Variants in PALM2AKAP2 observed in about 807,000 individuals in gnomAD.
PALM2AKAP2 encodes the protein PALM2 and AKAP2 fusion.
In PALM2AKAP2, 37 loss-of-function variants were observed where a neutral mutation model predicts 71.5. The ratio of observed to expected loss-of-function variants is 0.52; its 90% CI spans 0.40 to 0.68. The LOEUF (loss-of-function observed/expected upper bound fraction) is 0.68, where lower values mean the gene tolerates loss of function less well. Among genes scored for constraint, PALM2AKAP2 ranks in the 30% least tolerant of loss-of-function variants. The probability of loss-of-function intolerance (pLI) is 0.00; values close to 1 mark genes in which losing one functional copy is unlikely to be tolerated. For synonymous variants in PALM2AKAP2, 468 were observed against 478.8 expected (o/e 0.98, Z 0.29); for missense variants, 1,224 against 1,191.8 (o/e 1.03, Z -0.40).
At chr9:109,947,222 T>C (rs911422197) in intron 6 of PALM2AKAP2, among the ~76,000 whole-genome samples, 1 of 152,232 alleles carries the variant, frequency 6.6e-6, no homozygotes, top group African/African-American at 2.4e-5. Flanking sequence ...GACATGTATT[T>C]GCTTAAAACG....
chr9:110,066,793 A>G (rs1032025293), intron 1 of PALM2AKAP2, among the ~76,000 whole-genome samples: 1 of 151,848 alleles, frequency 6.6e-6, no homozygotes, highest in Non-Finnish European at 1.5e-5. Context: ...ATTGCCCACT[A>G]ACATTTTGGC....
rs185657135 is a variant in PALM2AKAP2, at chr9:110,156,434, G to C, written c.2685G>C (p.Gln895His). ...CCCAGCGGCCCAAGAATCTGATGCAGACCCTCATGGAAGACTATGAGACAC... is the reference window on the plus strand; with the variant it reads ...CCCAGCGGCCCAAGAATCTGATGCACACCCTCATGGAAGACTATGAGACAC... The change falls in exon 3 of 4, where the codon CAG becomes CAC. Residue 895 changes from glutamine to histidine, a missense_variant. Coordinates refer to ENST00000374525, the Ensembl canonical transcript of PALM2AKAP2. The C allele has an allele frequency of 2.8e-5, 45 of 1,612,974 alleles. No individual in the cohort carries two copies. Among genetic ancestry groups the C allele is most frequent in the Admixed American group, 5.0e-5 (3 of 59,850 alleles).
Position 109,975,058 on chromosome 9 carries a change from G to A in PALM2AKAP2, c.497-40896G>A, listed in dbSNP as rs559900479. The stretch of plus-strand genomic sequence containing the variant: ...AAGCCAAATATATATGTATCTGCAC[G>A]TGCACACACACACACACACACACAC... On this transcript the variant is annotated intron_variant, in intron 6 of 9. Coordinates refer to the PALM2AKAP2 transcript ENST00000302798. Among the ~76,000 whole-genome samples, 147 of 145,722 alleles carry A rather than the reference G, an allele frequency of 1.0e-3. 2 individuals are homozygous for A. Among genetic ancestry groups the A allele is most frequent in the African/African-American group, 3.1e-3 (122 of 39,628 alleles).
At chr9:109,883,092 G>A (rs1390090150) in intron 3 of PALM2AKAP2, among the ~76,000 whole-genome samples, 1 of 152,188 alleles carries the variant, frequency 6.6e-6, no homozygotes, top group Non-Finnish European at 1.5e-5. Flanking sequence ...TGCGTGTGGA[G>A]GCTAGAGTCT....
At chr9:110,066,774 A>G (rs1834089246) in intron 1 of PALM2AKAP2, among the ~76,000 whole-genome samples, 1 of 151,608 alleles carries the variant, frequency 6.6e-6, no homozygotes, top group African/African-American at 2.4e-5. Flanking sequence ...AATATAAAGG[A>G]GATAACATAT....
rs546275615 is a variant in PALM2AKAP2, at chr9:109,841,380, G to C, written c.46-26111G>C. ...GGGGCCTGTTGTGGGGTGGGGGTAG[G>C]GGGGAGGGATAGCATTAGGAGATAT... On this transcript the variant is annotated intron_variant, in intron 1 of 9. Transcript: ENST00000302798. 4.8e-4 allele frequency among the ~76,000 whole-genome samples: 71 copies of C among 148,478 alleles called. 2 individuals are homozygous for C. Among genetic ancestry groups the C allele is most frequent in the Admixed American group, 2.9e-3 (43 of 14,742 alleles).
At chr9:110,013,852 T>C (rs904509380) in intron 6 of PALM2AKAP2, among the ~76,000 whole-genome samples, 3 of 152,256 alleles carry the variant, frequency 2.0e-5, no homozygotes, top group Non-Finnish European at 4.4e-5. Flanking sequence ...TTTTGTTCAG[T>C]TGATTCTTAC....
chr9:109,759,153 C>G (rs1300159806), intron 1 of PALM2AKAP2, among the ~76,000 whole-genome samples: 6 of 152,048 alleles, frequency 3.9e-5, no homozygotes, highest in African/African-American at 1.4e-4. Flanking sequence ...CCTGACCTGT[C>G]TGTTGGTATA....
chr9:110,154,788 C>G (rs1371779260), intron 2 of PALM2AKAP2, among the ~76,000 whole-genome samples: 1 of 152,022 alleles, frequency 6.6e-6, no homozygotes, highest in African/African-American at 2.4e-5. Context: ...CACCTAATCC[C>G]CAAGTGTAAC....
chr9:109,768,061 CAGTG>C (rs1363243173), intron 1 of PALM2AKAP2, among the ~76,000 whole-genome samples: 1 of 108,382 alleles, frequency 9.2e-6, no homozygotes, highest in Non-Finnish European at 1.8e-5. Context: ...GAAAGAAAAA[CAGTG>C]AAGGAAGGAG....
intron 1 of PALM2AKAP2, among the ~76,000 whole-genome samples, chr9:110,056,410 G>A (rs1166086606): frequency 6.6e-6 from 1 of 152,182 alleles, no homozygotes; most frequent in Non-Finnish European, 1.5e-5. Context: ...GTGGGTTGGA[G>A]GAATGACTTT....
At chr9:109,642,698 A>G (rs1827087959) in intron 1 of PALM2AKAP2, among the ~76,000 whole-genome samples, 1 of 151,478 alleles carries the variant, frequency 6.6e-6, no homozygotes, top group Non-Finnish European at 1.5e-5. Context: ...GACTACAGGC[A>G]TGCACAACCA....
chr9:109,651,225 G>C (rs940326098), intron 1 of PALM2AKAP2, among the ~76,000 whole-genome samples: 1 of 152,106 alleles, frequency 6.6e-6, no homozygotes, highest in African/African-American at 2.4e-5. Context: ...GTCAGTGTAC[G>C]GTTTAATCTA....
chr9:109,963,035 T>G (rs1363617676), intron 6 of PALM2AKAP2, among the ~76,000 whole-genome samples: 1 of 152,218 alleles, frequency 6.6e-6, no homozygotes, highest in Admixed American at 6.5e-5. Flanking sequence ...GAGCTAGGAT[T>G]CATACTCTGG....
intron 1 of PALM2AKAP2, among the ~76,000 whole-genome samples, chr9:109,649,335 T>C (rs1284359906): frequency 6.6e-6 from 1 of 152,168 alleles, no homozygotes; most frequent in Non-Finnish European, 1.5e-5. Flanking sequence ...ATTTTTCTCA[T>C]TTTTTTCCTG....
chr9:109,720,129 C>T (rs564554542), intron 1 of PALM2AKAP2, among the ~76,000 whole-genome samples: 6 of 152,106 alleles, frequency 3.9e-5, no homozygotes, highest in South Asian at 2.1e-4. Flanking sequence ...GCTGAGCTTA[C>T]GGGCACATGC....
chr9:109,834,010 C>T lies in PALM2AKAP2; in HGVS notation c.46-33481C>T, dbSNP rs777291895. Among the ~76,000 whole-genome samples, 88 of 152,090 alleles carry T rather than the reference C, an allele frequency of 5.8e-4. 1 individual carries two copies. Among genetic ancestry groups the T allele is most frequent in the Non-Finnish European group, 1.1e-3 (78 of 68,006 alleles). ...GGCAGATCACCTGAGGTCAGAAGTTCGAGACCAGTCTGACCAACATGGTGA... is the reference window on the plus strand; with the variant it reads ...GGCAGATCACCTGAGGTCAGAAGTTTGAGACCAGTCTGACCAACATGGTGA... On this transcript the variant is annotated intron_variant, in intron 1 of 9. Coordinates refer to the PALM2AKAP2 transcript ENST00000302798.
At chr9:110,011,014 A>AAAAAAAAAAAATATATATATATAT (rs35212981) in intron 6 of PALM2AKAP2, among the ~76,000 whole-genome samples, 3 of 69,588 alleles carry the variant, frequency 4.3e-5, no homozygotes, top group African/African-American at 2.3e-4. Flanking sequence ...AAAAAAAAAA[A>AAAAAAAAAAAATATATATATATAT]ATATATATAT....
Position 109,795,680 on chromosome 9 carries a change from G to A in PALM2AKAP2, c.45+15147G>A, listed in dbSNP as rs117387492. Among the ~76,000 whole-genome samples, 242 of 152,294 alleles carry A rather than the reference G, an allele frequency of 1.6e-3. 1 individual carries two copies. The highest frequency in any genetic ancestry group is 3.4e-3 in the Middle Eastern group (1 of 294). ...CCATGGGCAAGAGATGAGGGAGTTG[G>A]CATACACGTGTAAGGAACCTTCTTA... On this transcript the variant is annotated intron_variant, in intron 1 of 9. Coordinates refer to the PALM2AKAP2 transcript ENST00000302798.
Sources: allele counts gnomAD v4.1 joint callset (sites outside exome capture counted in the v4.1 genomes callset), GRCh38; gene constraint gnomAD v4.1.1; transcripts MANE v1.5; gene names NCBI Gene and HGNC (gene_info 2026-07-23, HGNC 2026-07-21).